FRMD4A: variants seen among roughly 807,000 people sequenced by gnomAD.
FRMD4A encodes the protein FERM domain containing 4A, also known as FERM domain-containing protein 4A.
A neutral mutation model predicts 129.1 loss-of-function variants in FRMD4A; 29 were observed. That is an observed-to-expected ratio of 0.22 (90% confidence interval 0.17 to 0.31). FRMD4A has a LOEUF of 0.31. Ranked by LOEUF, FRMD4A falls within the 10% of genes least tolerant of loss-of-function variation. FRMD4A has a pLI of 1.00. For missense variants in FRMD4A, 1,272 were observed against 1,375.8 expected, an observed-to-expected ratio of 0.92 and a Z score of 1.19; for synonymous variants, 634 against 571.6, an observed-to-expected ratio of 1.11 and a Z score of -1.56.
In FRMD4A at chr10:13,832,146, C is replaced by T. The variant is rs549939670; in HGVS notation, c.112-21238G>A. The stretch of plus-strand genomic sequence containing the variant: ...AATTACACCAAGAGAACCGAGTTGC[C>T]GGCCCAGCTCACCGGGGGTGAACTC... On this transcript the variant is annotated intron_variant, in intron 3 of 24. Transcript: ENST00000357447. Among the ~76,000 whole-genome samples the T allele has an allele frequency of 1.3e-4, 19 of 148,634 alleles. No individual in the cohort carries two copies. The South Asian group carries it at 1.7e-3, about 13-fold the overall frequency.
At chr10:14,274,287 G>A (rs1170004800) in intron 2 of FRMD4A, among the ~76,000 whole-genome samples, 1 of 152,184 alleles carries the variant, frequency 6.6e-6, no homozygotes, top group Admixed American at 6.5e-5. Flanking sequence ...CTATCTCTTA[G>A]CAGATTACGA....
intron 2 of FRMD4A, among the ~76,000 whole-genome samples, chr10:14,149,305 A>G (rs1345520590): frequency 6.6e-6 from 1 of 152,190 alleles, no homozygotes; most frequent in Non-Finnish European, 1.5e-5. Flanking sequence ...AAGATTGATG[A>G]AAACGTCTTT....
At chr10:13,803,352 GAC>G (rs1195362815) in intron 4 of FRMD4A, among the ~76,000 whole-genome samples, 4 of 152,046 alleles carry the variant, frequency 2.6e-5, no homozygotes, top group African/African-American at 9.7e-5. Flanking sequence ...ATTTTTTAGA[GAC>G]AGAGTCTCTT....
intron 4 of FRMD4A, among the ~76,000 whole-genome samples, chr10:13,807,044 T>G (rs1048113124): frequency 2.6e-5 from 4 of 152,172 alleles, no homozygotes; most frequent in African/African-American, 7.2e-5. Context: ...CCTGACCTCA[T>G]GATCCGCCCA....
At position 13,660,366 on chromosome 10, in the gene FRMD4A, T is replaced by C; in HGVS notation, c.1848A>G (p.Leu616=). The change falls in exon 20 of 25, where the codon TTA becomes TTG. Residue 616 remains leucine, a synonymous_variant. Coordinates refer to ENST00000357447, the MANE Select transcript of FRMD4A (RefSeq NM_018027.5). ...TCTTGACCTTCTCATAGGGTTCATC[T>C]AAAGAGGACTCACTCCACATTTTGG... The part of the protein sequence containing the change: ...IKPKMWSESS[L]DEPYEKVKKR... The C allele has an allele frequency of 6.2e-7, 1 of 1,614,120 alleles. No homozygotes were observed. The highest frequency in any genetic ancestry group is 8.5e-7 in the Non-Finnish European group (1 of 1,179,974).
intron 2 of FRMD4A, among the ~76,000 whole-genome samples, chr10:14,179,113 A>G (rs1841827226): frequency 6.6e-6 from 1 of 152,200 alleles, no homozygotes; most frequent in Non-Finnish European, 1.5e-5. Context: ...CAGGTTTTCC[A>G]TCTCTTGGGC....
At chr10:13,804,241 T>C (rs2093317073) in intron 4 of FRMD4A, among the ~76,000 whole-genome samples, 1 of 152,204 alleles carries the variant, frequency 6.6e-6, no homozygotes, top group Admixed American at 6.5e-5. Flanking sequence ...TACGTGGAAA[T>C]CCCAAACCTA....
At chr10:14,205,833 A>ACATGGTGGTGC (rs1842766792) in intron 2 of FRMD4A, among the ~76,000 whole-genome samples, 1 of 147,568 alleles carries the variant, frequency 6.8e-6, no homozygotes, top group East Asian at 2.0e-4. Context: ...AAAAAAAGGG[A>ACATGGTGGTGC]ATTATGTTTA....
chr10:13,884,196 T>A (rs10906531), intron 2 of FRMD4A, among the ~76,000 whole-genome samples: 29,909 of 107,156 alleles, frequency 0.28, 3,851 homozygotes, highest in Non-Finnish European at 0.3. Context: ...ACACACACAC[T>A]CACACACACA....
At chr10:13,914,088 T>C (rs2094973365) in intron 2 of FRMD4A, among the ~76,000 whole-genome samples, 1 of 152,168 alleles carries the variant, frequency 6.6e-6, no homozygotes, top group Admixed American at 6.5e-5. Flanking sequence ...CTGTGGCCTC[T>C]GCTCAAGAAG....
chr10:13,865,774 T>C (rs944743807), intron 2 of FRMD4A, among the ~76,000 whole-genome samples: 3 of 152,096 alleles, frequency 2.0e-5, no homozygotes, highest in Non-Finnish European at 4.4e-5. Context: ...GTTGTGCAAA[T>C]TGATCCTGAA....
chr10:13,705,095 G>A (rs2087283580), intron 13 of FRMD4A, among the ~76,000 whole-genome samples: 1 of 152,120 alleles, frequency 6.6e-6, no homozygotes, highest in African/African-American at 2.4e-5. Flanking sequence ...TCCTTCTTCT[G>A]CCTGTCTTCT....
chr10:13,670,742 G>A (rs1273162169), intron 16 of FRMD4A, among the ~76,000 whole-genome samples: 4 of 152,242 alleles, frequency 2.6e-5, no homozygotes, highest in African/African-American at 9.6e-5. Context: ...TGTCTCTTAT[G>A]TAGAATAGTT....
chr10:13,858,976 G>A (rs369635077), intron 2 of FRMD4A, 64 bp from the exon 3 acceptor site: 10 of 953,632 alleles, frequency 1.0e-5, no homozygotes, highest in Admixed American at 3.4e-5. Context: ...TTAGAGGGTC[G>A]CCGACGCTGC....
chr10:13,825,254 T>C (rs939954768), intron 3 of FRMD4A, among the ~76,000 whole-genome samples: 2 of 152,196 alleles, frequency 1.3e-5, no homozygotes, highest in African/African-American at 2.4e-5. Context: ...TGAACACAAG[T>C]GCTGCCATCC....
chr10:13,883,805 C>T (rs1247270758), intron 2 of FRMD4A, among the ~76,000 whole-genome samples: 3 of 152,316 alleles, frequency 2.0e-5, no homozygotes, highest in Non-Finnish European at 2.9e-5. Context: ...TACGCTGTCC[C>T]TTAGGGCTCA....
At chr10:13,988,646 CG>C (rs1442299374) in intron 2 of FRMD4A, among the ~76,000 whole-genome samples, 4 of 151,752 alleles carry the variant, frequency 2.6e-5, no homozygotes, top group Non-Finnish European at 4.4e-5. Context: ...GGATAGATAC[CG>C]ATGGATAGAT....
At chr10:14,112,383 G>T (rs188518390) in intron 2 of FRMD4A, among the ~76,000 whole-genome samples, 1 of 152,286 alleles carries the variant, frequency 6.6e-6, no homozygotes, top group Admixed American at 6.5e-5. Flanking sequence ...CGAGAGAGCA[G>T]TTTGCGGCGG....
chr10:13,741,888 C>T (rs1343741258), intron 9 of FRMD4A, among the ~76,000 whole-genome samples: 3 of 152,188 alleles, frequency 2.0e-5, no homozygotes, highest in Non-Finnish European at 4.4e-5. Context: ...GACGCAGTCT[C>T]CCTTGTCACT....
Sources: gnomAD v4.1 joint callset for allele counts (sites outside exome capture counted in the v4.1 genomes callset) on GRCh38, gnomAD v4.1.1 for gene constraint, MANE v1.5 for transcripts, NCBI Gene and HGNC (gene_info 2026-07-23, HGNC 2026-07-21) for gene names.